INTU: variants seen among roughly 807,000 people sequenced by gnomAD.
INTU encodes the protein protein inturned.
Under a neutral mutation model 100.5 loss-of-function variants are expected in INTU, and 68 were observed. The ratio of observed to expected loss-of-function variants is 0.68; its 90% CI spans 0.56 to 0.83. The LOEUF (loss-of-function observed/expected upper bound fraction) is 0.83. Among genes scored for constraint, INTU ranks in the 40% least tolerant of loss-of-function variants. The pLI, the probability that INTU is intolerant of heterozygous loss-of-function variation, is 0.00. For synonymous variants in INTU, 357 were observed against 395.7 expected (o/e 0.90, Z 1.16); for missense variants, 1,071 against 1,114.7 (o/e 0.96, Z 0.56).
At chr4:127,644,461 T>C (rs1458839147) in intron 2 of INTU, among the ~76,000 whole-genome samples, 2 of 152,200 alleles carry the variant, frequency 1.3e-5, no homozygotes, top group Non-Finnish European at 2.9e-5. Flanking sequence ...TTTTAAATTG[T>C]ATGTTTGCAC....
intron 3 of INTU, among the ~76,000 whole-genome samples, chr4:127,660,530 C>T (rs912460831): frequency 2.0e-5 from 3 of 152,238 alleles, no homozygotes; most frequent in Admixed American, 6.5e-5. Flanking sequence ...CTCCCCAGGT[C>T]CCATCTGTGA....
At chr4:127,707,044 A>AT in intron 12 of INTU, 75 bp downstream of exon 12, 2 of 1,472,426 alleles carry the variant, frequency 1.4e-6, no homozygotes, top group Non-Finnish European at 1.8e-6. Flanking sequence ...ATTGCAAGAC[A>AT]TTTTTTTAGT....
rs377048616 is a variant in INTU, at chr4:127,674,263, T to G, written c.1181+50T>G. The stretch of plus-strand genomic sequence containing the variant: ...AAAATCATTTCCAAATAATGTTAAC[T>G]TTTGTTTTGTTAAAATTATTACATT... On this transcript the variant is annotated intron_variant, in intron 6 of 15. Coordinates refer to ENST00000335251, the MANE Select transcript of INTU (RefSeq NM_015693.4). 303 of 1,362,384 alleles carry G rather than the reference T, an allele frequency of 2.2e-4. 1 individual carries two copies. The African/African-American group carries it at 3.3e-3, about 15-fold the overall frequency. 84.4% of individuals were successfully genotyped at this position (1,362,384 alleles called of 1,614,324 possible). A position where few individuals can be genotyped will look rare whatever the true frequency, so the allele number is the denominator to read the frequency against.
intron 2 of INTU, among the ~76,000 whole-genome samples, chr4:127,653,917 G>C (rs1728041195): frequency 6.6e-6 from 1 of 151,810 alleles, no homozygotes; most frequent in Non-Finnish European, 1.5e-5. Flanking sequence ...CGTGTTGGGT[G>C]CATATATATT....
rs1207662102 is a variant in INTU at position 127,720,451 on chromosome 4, A to G, written c.*4015A>G. 1 of 152,212 alleles carries G rather than the reference A, an allele frequency of 6.6e-6. No individual in the cohort carries two copies. Among genetic ancestry groups the G allele is most frequent in the Non-Finnish European group, 1.5e-5 (1 of 68,036 alleles). 9.4% of individuals were successfully genotyped at this position (152,212 alleles called of 1,614,324 possible). A position where few individuals can be genotyped will look rare whatever the true frequency, so the allele number is the denominator to read the frequency against. ...CCATGTGGCACTGAGAAGAATATAT[A>G]TTCTGTTGTTTGGGGGTGGAAAGAT... On this transcript the variant is annotated 3_prime_UTR_variant, in exon 16 of 16. Coordinates refer to ENST00000335251, the MANE Select transcript of INTU (RefSeq NM_015693.4).
rs554543860 is a variant in INTU at position 127,711,116 on chromosome 4, A to C, written c.2559+14A>C. The C allele has an allele frequency of 1.3e-6, 2 of 1,540,642 alleles. No individual in the cohort carries two copies. The highest frequency in any genetic ancestry group is 1.8e-6 in the Non-Finnish European group (2 of 1,128,836). The stretch of plus-strand genomic sequence containing the variant: ...TTGGTGGAAGAGGTAGGGCACTGCT[A>C]TAAATACAGTTTTCTGCCAGTTTAA... On this transcript the variant is annotated intron_variant, in intron 14 of 15. Transcript: ENST00000335251.
rs117754102 is a variant in INTU at position 127,633,138 on chromosome 4, T to C, written c.104T>C (p.Val35Ala). The change falls in exon 1 of 16, where the codon GTC (valine) becomes GCC (alanine). Residue 35 changes from valine to alanine, a missense_variant. By Grantham distance (64) the Val-to-Ala change is moderately conservative. Transcript: ENST00000335251. ...EDEDYDFEDR[V>A]SDSGSYSSAS... Reference sequence around the variant, plus strand: ...GAGGACTATGATTTTGAAGATCGGGTCAGCGACTCGGGTTCATATTCCTCA... The same window carrying C: ...GAGGACTATGATTTTGAAGATCGGGCCAGCGACTCGGGTTCATATTCCTCA... The C allele has an allele frequency of 1.6e-3, 2,602 of 1,614,036 alleles. 52 individuals are homozygous for C. The East Asian group carries it at 0.037, about 23-fold the overall frequency.
intron 2 of INTU, among the ~76,000 whole-genome samples, chr4:127,655,561 G>T (rs1313262512): frequency 6.6e-6 from 1 of 151,626 alleles, no homozygotes; most frequent in Non-Finnish European, 1.5e-5. Context: ...GGACCCACTT[G>T]AGGAGGCAGT....
chr4:127,697,506 C>G (rs1730445507), intron 8 of INTU, among the ~76,000 whole-genome samples: 1 of 152,124 alleles, frequency 6.6e-6, no homozygotes, highest in Non-Finnish European at 1.5e-5. Flanking sequence ...ATTCTACTCT[C>G]TCCTTCTGTG....
chr4:127,644,104 T>C, intron 2 of INTU, 48 bp downstream of exon 2: 2 of 1,542,326 alleles, frequency 1.3e-6, no homozygotes, highest in South Asian at 2.4e-5. Flanking sequence ...AGATCTTGAT[T>C]AATGATGACA....
rs1490071802 is a variant in INTU at position 127,725,136 on chromosome 4, A to T, written c.*8700A>T. 1 of 148,966 alleles carries T rather than the reference A, an allele frequency of 6.7e-6. No individual in the cohort carries two copies. Among genetic ancestry groups the T allele is most frequent in the African/African-American group, 2.5e-5 (1 of 39,662 alleles). 9.2% of individuals were successfully genotyped at this position (148,966 alleles called of 1,614,324 possible). ...CCCTGTCTCTACTAAAAATACTAAA[A>T]AAAAAAAAAAAAAAAAAAAAATTAG... On this transcript the variant is annotated 3_prime_UTR_variant, in exon 16 of 16. Coordinates refer to ENST00000335251, the MANE Select transcript of INTU (RefSeq NM_015693.4).
intron 1 of INTU, among the ~76,000 whole-genome samples, chr4:127,642,736 TC>T (rs1727386427): frequency 6.6e-6 from 1 of 152,140 alleles, no homozygotes; most frequent in Admixed American, 6.5e-5. Flanking sequence ...GTATTTTTGC[TC>T]CTTAATGCTA....
rs1731354279 is a variant in INTU at position 127,722,105 on chromosome 4, T to C, written c.*5669T>C. ...TCATCTTCATGGGTTTATCTACCTTTGATCTTTGAGTCTGCTGACTTTTGG... is the reference window on the plus strand; with the variant it reads ...TCATCTTCATGGGTTTATCTACCTTCGATCTTTGAGTCTGCTGACTTTTGG... On this transcript the variant is annotated 3_prime_UTR_variant, in exon 16 of 16. Coordinates refer to ENST00000335251, the MANE Select transcript of INTU (RefSeq NM_015693.4). The C allele has an allele frequency of 6.6e-6, 1 of 152,282 alleles. No individual in the cohort carries two copies. Among genetic ancestry groups the C allele is most frequent in the Non-Finnish European group, 1.5e-5 (1 of 68,062 alleles). 9.4% of individuals were successfully genotyped at this position (152,282 alleles called of 1,614,324 possible).
At chr4:127,691,398 G>C (rs1049344710) in intron 8 of INTU, among the ~76,000 whole-genome samples, 1 of 152,194 alleles carries the variant, frequency 6.6e-6, no homozygotes, top group East Asian at 1.9e-4. Flanking sequence ...GAGAGTTCCT[G>C]TTGTTCCATA....
intron 2 of INTU, among the ~76,000 whole-genome samples, chr4:127,650,599 T>G (rs1431464540): frequency 6.6e-6 from 1 of 152,036 alleles, no homozygotes; most frequent in Non-Finnish European, 1.5e-5. Flanking sequence ...ATGTGCCACA[T>G]TTTCTTAATC....
chr4:127,691,281 T>G (rs535254384), intron 8 of INTU, among the ~76,000 whole-genome samples: 1 of 152,304 alleles, frequency 6.6e-6, no homozygotes, highest in South Asian at 2.1e-4. Flanking sequence ...CTCCCATGTT[T>G]GGGCAATTAA....
intron 3 of INTU, 126 bp from the exon 4 acceptor site, chr4:127,663,255 C>G (rs1336630338): frequency 9.3e-6 from 6 of 642,660 alleles, no homozygotes; most frequent in Admixed American, 2.7e-5. Flanking sequence ...CAGGAGCACT[C>G]ACTCTAGGAT....
intron 2 of INTU, among the ~76,000 whole-genome samples, chr4:127,655,594 C>A (rs913039300): frequency 6.6e-6 from 1 of 151,588 alleles, no homozygotes; most frequent in Non-Finnish European, 1.5e-5. Context: ...AGATCTCCAG[C>A]TGCGTGCTGG....
intron 3 of INTU, among the ~76,000 whole-genome samples, chr4:127,662,454 GAGAC>G (rs1353999282): frequency 6.6e-6 from 1 of 152,122 alleles, no homozygotes; most frequent in Non-Finnish European, 1.5e-5. Flanking sequence ...TGTACGGTGA[GAGAC>G]AGAGTTTCAT....
Sources: allele counts gnomAD v4.1 joint callset (sites outside exome capture counted in the v4.1 genomes callset), GRCh38; gene constraint gnomAD v4.1.1; transcripts MANE v1.5; gene names NCBI Gene and HGNC (gene_info 2026-07-23, HGNC 2026-07-21).